TTC28: variants seen among roughly 807,000 people sequenced by gnomAD.
TTC28 encodes the protein tetratricopeptide repeat protein 28.
In TTC28, 61 loss-of-function variants were observed where a neutral mutation model predicts 198.0. That is an observed-to-expected ratio of 0.31 (90% CI 0.25 to 0.38). TTC28 has a LOEUF of 0.38. Ranked by LOEUF, TTC28 falls within the 10% of genes least tolerant of loss-of-function variation. The probability of loss-of-function intolerance (pLI) is 1.00; values close to 1 mark genes in which losing one functional copy is unlikely to be tolerated. For synonymous variants in TTC28, 1,171 were observed against 1,297.8 expected (o/e 0.90, Z 2.10); for missense variants, 2,678 against 3,164.0 (o/e 0.85, Z 3.69).
intron 2 of TTC28, among the ~76,000 whole-genome samples, chr22:28,346,634 C>A (rs561767349): frequency 7.2e-4 from 109 of 152,312 alleles, no homozygotes; most frequent in Non-Finnish European, 9.7e-4. Flanking sequence ...AACTTTCTTG[C>A]ATATCCATGA....
chr22:28,264,190 T>C (rs1931525929), intron 5 of TTC28, among the ~76,000 whole-genome samples: 1 of 152,128 alleles, frequency 6.6e-6, no homozygotes, highest in Admixed American at 6.6e-5. Flanking sequence ...CCCATGCTGC[T>C]GTCATGAGAG....
chr22:28,225,527 G>A (rs1056317437), intron 5 of TTC28, among the ~76,000 whole-genome samples: 6 of 151,958 alleles, frequency 3.9e-5, no homozygotes, highest in South Asian at 2.1e-4. Flanking sequence ...TTTCTGCCAC[G>A]GACAAACAGC....
intron 2 of TTC28, among the ~76,000 whole-genome samples, chr22:28,519,826 G>T (rs1207248692): frequency 6.6e-6 from 1 of 152,148 alleles, no homozygotes; most frequent in Non-Finnish European, 1.5e-5. Context: ...TCACAGCATT[G>T]GTCTCTAGTG....
At chr22:28,670,232 C>A (rs954141001) in intron 1 of TTC28, among the ~76,000 whole-genome samples, 10 of 152,110 alleles carry the variant, frequency 6.6e-5, no homozygotes, top group Admixed American at 5.9e-4. Context: ...TTTAAAGAAT[C>A]CAGTTCAGTG....
At chr22:28,629,373 A>C in intron 2 of TTC28, 179 bp downstream of exon 2, 2 of 620,664 alleles carry the variant, frequency 3.2e-6, no homozygotes, top group Non-Finnish European at 2.6e-6. Context: ...GCATGCTACA[A>C]AAAAACAAAG....
At chr22:28,310,016 C>G (rs1329918927) in intron 2 of TTC28, among the ~76,000 whole-genome samples, 2 of 152,036 alleles carry the variant, frequency 1.3e-5, no homozygotes, top group East Asian at 3.9e-4. Flanking sequence ...TCCATGCATA[C>G]TACTAGATGA....
intron 2 of TTC28, among the ~76,000 whole-genome samples, chr22:28,392,499 G>A (rs913475644): frequency 3.9e-5 from 6 of 152,318 alleles, no homozygotes; most frequent in East Asian, 1.9e-4. Context: ...GGGAGACTCC[G>A]TGGGCGTAGG....
intron 6 of TTC28, among the ~76,000 whole-genome samples, chr22:28,116,537 C>G (rs1205151071): frequency 1.3e-5 from 2 of 152,124 alleles, no homozygotes; most frequent in African/African-American, 2.4e-5. Flanking sequence ...CCTGGCCAAG[C>G]CCCGCCATTA....
chr22:28,332,301 T>A (rs971426109), intron 2 of TTC28, among the ~76,000 whole-genome samples: 6 of 152,008 alleles, frequency 3.9e-5, no homozygotes, highest in Admixed American at 3.9e-4. Flanking sequence ...GGTCCCTAAT[T>A]AATATCTTAT....
intron 2 of TTC28, among the ~76,000 whole-genome samples, chr22:28,494,666 G>A (rs961320829): frequency 2.0e-5 from 3 of 152,080 alleles, no homozygotes; most frequent in African/African-American, 7.2e-5. Flanking sequence ...TTCATGAATT[G>A]TCAAACTCAT....
chr22:28,296,216 C>T lies in TTC28; in HGVS notation c.915G>A (p.Met305Ile), dbSNP rs2044891626. The T allele has an allele frequency of 1.9e-6, 3 of 1,548,488 alleles. No individual in the cohort carries two copies. The Admixed American group carries it at 5.9e-5, about 31-fold the overall frequency. Residue 305 changes from methionine (M) to isoleucine (I), a missense_variant, in exon 5 of 23, where the codon ATG becomes ATA. By Grantham distance (10) the Met-to-Ile change is conservative (BLOSUM62 1). This residue lies in a region of TTC28 where 775 missense variants were observed against 845.9 expected (regional missense o/e 0.92). Coordinates refer to ENST00000397906, the MANE Select transcript of TTC28 (RefSeq NM_001145418.2). Reference protein sequence around the residue: ...TNHRHQLVLAMKLKDREAASS... With the variant: ...TNHRHQLVLAIKLKDREAASS... ...TTCCTACCTCTCGATCTTTGAGTTT[C>T]ATGGCGAGTACCAACTGATGCCTGT...
chr22:28,000,459 G>A (rs1422451546), intron 15 of TTC28: 1 of 152,376 alleles, frequency 6.6e-6, no homozygotes. Flanking sequence ...CCCGCCTGCT[G>A]TGGGGTATTA....
chr22:28,495,625 T>G (rs1644205502), intron 2 of TTC28, among the ~76,000 whole-genome samples: 1 of 152,138 alleles, frequency 6.6e-6, no homozygotes, highest in Non-Finnish European at 1.5e-5. Flanking sequence ...AAATAGTGAA[T>G]TAAATATAAG....
chr22:28,014,832 T>G (rs1311894527), intron 13 of TTC28, among the ~76,000 whole-genome samples: 2 of 152,188 alleles, frequency 1.3e-5, no homozygotes, highest in Non-Finnish European at 2.9e-5. Context: ...GGCCCCCACC[T>G]TGGGCTCAGA....
At chr22:28,423,753 A>G (rs1321039384) in intron 2 of TTC28, among the ~76,000 whole-genome samples, 1 of 152,246 alleles carries the variant, frequency 6.6e-6, no homozygotes, top group African/African-American at 2.4e-5. Flanking sequence ...CACAGCAGGC[A>G]GAAGTTGGAT....
At chr22:28,246,140 A>G (rs1360237560) in intron 5 of TTC28, among the ~76,000 whole-genome samples, 3 of 152,186 alleles carry the variant, frequency 2.0e-5, no homozygotes, top group East Asian at 1.9e-4. Flanking sequence ...ACACATTTAT[A>G]TATTTGTTAA....
intron 6 of TTC28, among the ~76,000 whole-genome samples, chr22:28,114,981 CCT>C (rs1463961347): frequency 6.6e-6 from 1 of 152,052 alleles, no homozygotes; most frequent in Non-Finnish European, 1.5e-5. Flanking sequence ...TTCTTGAGAA[CCT>C]CTCTGTGCCT....
intron 2 of TTC28, among the ~76,000 whole-genome samples, chr22:28,464,695 G>C (rs925060445): frequency 6.6e-6 from 1 of 152,034 alleles, no homozygotes; most frequent in African/African-American, 2.4e-5. Flanking sequence ...TCAGTATCAG[G>C]ACTTGTATTT....
intron 2 of TTC28, among the ~76,000 whole-genome samples, chr22:28,573,225 G>C (rs907715239): frequency 2.0e-5 from 3 of 151,922 alleles, no homozygotes; most frequent in Non-Finnish European, 4.4e-5. Context: ...GGGAGGCTGA[G>C]GTGGGCGGAT....
Sources: allele counts gnomAD v4.1 joint callset (sites outside exome capture counted in the v4.1 genomes callset), GRCh38; gene constraint gnomAD v4.1.1; regional missense constraint gnomAD v4.1.1; transcripts MANE v1.5; gene names NCBI Gene and HGNC (gene_info 2026-07-23, HGNC 2026-07-21).